Variants in SUGCT observed in about 807,000 individuals in gnomAD.
SUGCT encodes succinyl-CoA:glutarate-CoA transferase.
Under a neutral mutation model 55.0 loss-of-function variants are expected in SUGCT, and 41 were observed. The observed-to-expected ratio is 0.74, with a 90% CI of 0.58 to 0.97. The LOEUF (loss-of-function observed/expected upper bound fraction) is 0.97. SUGCT is among the 50% of genes least tolerant of loss of function. The pLI, the probability that SUGCT is intolerant of heterozygous loss-of-function variation, is 0.00. For missense variants in SUGCT, 568 were observed against 547.8 expected (o/e 1.04, Z -0.37); for synonymous variants, 187 against 200.4 (o/e 0.93, Z 0.56).
chr7:40,363,868 T>C (rs1416452580), intron 9 of SUGCT, among the ~76,000 whole-genome samples: 1 of 152,218 alleles, frequency 6.6e-6, no homozygotes, highest in East Asian at 1.9e-4. Flanking sequence ...TGGGTATCCT[T>C]GTTAACTTTC....
In SUGCT at chr7:40,338,412, C is replaced by T. The variant is rs370795117; in HGVS notation, c.816+21557C>T. Among the ~76,000 whole-genome samples the T allele has an allele frequency of 1.8e-4, 28 of 152,318 alleles. No individual in the cohort carries two copies. The East Asian group carries it at 4.4e-3, about 24-fold the overall frequency. On this transcript the variant is annotated intron_variant, in intron 9 of 13. Coordinates refer to ENST00000335693, the MANE Select transcript of SUGCT (RefSeq NM_001193313.2). ...ATCAGACGTAGATTTGGTCTTTTCA[C>T]ATAGTCCCATATTTCTTGGAGGCTT...
Position 40,353,678 on chromosome 7 carries a change from A to G in SUGCT, c.816+36823A>G, listed in dbSNP as rs1797749052. ...GGAGTTGGGTTCTTAAAAAAACCAT[A>G]TAGATATGCAAGTTGAGATTTTCTA... On this transcript the variant is annotated intron_variant, in intron 9 of 13. Coordinates refer to ENST00000335693, the MANE Select transcript of SUGCT (RefSeq NM_001193313.2). 2.0e-5 allele frequency among the ~76,000 whole-genome samples: 3 copies of G among 152,286 alleles called. No individual in the cohort carries two copies. The South Asian group carries it at 6.2e-4, about 32-fold the overall frequency.
chr7:40,207,916 A>G (rs985416793), intron 6 of SUGCT, among the ~76,000 whole-genome samples: 3 of 152,234 alleles, frequency 2.0e-5, no homozygotes, highest in African/African-American at 7.2e-5. Context: ...TCATAGCAGC[A>G]TTATTCACAG....
intron 11 of SUGCT, among the ~76,000 whole-genome samples, chr7:40,460,373 C>T (rs1789726272): frequency 6.6e-6 from 1 of 152,166 alleles, no homozygotes; most frequent in African/African-American, 2.4e-5. Context: ...AAATATAACT[C>T]TGATTCTACC....
chr7:41,012,159 G>A, the SUGCT span, among the ~76,000 whole-genome samples: 783 of 151,980 alleles, frequency 5.2e-3, 4 homozygotes, highest in African/African-American at 0.018. Flanking sequence ...CTTTTCCCAG[G>A]GCCTGTAGAC....
At chr7:40,578,421 T>A (rs767125413) in intron 12 of SUGCT, among the ~76,000 whole-genome samples, 13 of 151,892 alleles carry the variant, frequency 8.6e-5, no homozygotes, top group Non-Finnish European at 1.9e-4. Flanking sequence ...GGGTTTGGGG[T>A]GTGGTATGGG....
intron 8 of SUGCT, among the ~76,000 whole-genome samples, chr7:40,277,887 C>G (rs1562639394): frequency 6.6e-6 from 1 of 151,958 alleles, no homozygotes; most frequent in Non-Finnish European, 1.5e-5. Context: ...CCCTTCCTGT[C>G]TCCATGTGTT....
At chr7:40,457,892 G>A (rs1219527770) in intron 10 of SUGCT, among the ~76,000 whole-genome samples, 1 of 152,126 alleles carries the variant, frequency 6.6e-6, no homozygotes, top group Admixed American at 6.5e-5. Flanking sequence ...ACGGAGGGAG[G>A]GTGTCTAACT....
Position 40,188,526 on chromosome 7 carries a change from A to T in SUGCT, c.258A>T (p.Pro86=). The T allele has an allele frequency of 6.2e-7, 1 of 1,609,094 alleles. No homozygotes were observed. The highest frequency in any genetic ancestry group is 8.5e-7 in the Non-Finnish European group (1 of 1,178,116). ...GAGDDTRTWG[P]PFVGTESTYY... ...GTGATGATACACGAACTTGGGGGCC[A>T]CCTTTTGTTGGGACAGAAAGTACAT... The change falls in exon 4 of 14, where the codon CCA becomes CCT. Residue 86 remains proline (P), a synonymous_variant. Coordinates refer to ENST00000335693, the MANE Select transcript of SUGCT (RefSeq NM_001193313.2).
intron 12 of SUGCT, among the ~76,000 whole-genome samples, chr7:40,535,626 A>G (rs759551669): frequency 6.6e-6 from 1 of 152,186 alleles, no homozygotes; most frequent in Non-Finnish European, 1.5e-5. Context: ...CCTACATGCC[A>G]ATCAGGGTTG....
the SUGCT span, among the ~76,000 whole-genome samples, chr7:40,873,726 G>C: frequency 6.6e-6 from 1 of 152,192 alleles, no homozygotes; most frequent in African/African-American, 2.4e-5. Context: ...CATTGTTGAA[G>C]ATTTTGTGTT....
At chr7:40,292,074 C>T (rs948551017) in intron 8 of SUGCT, among the ~76,000 whole-genome samples, 4 of 152,122 alleles carry the variant, frequency 2.6e-5, no homozygotes, top group African/African-American at 7.2e-5. Context: ...ACAGCAGTAA[C>T]GGGAAACCAA....
intron 9 of SUGCT, among the ~76,000 whole-genome samples, chr7:40,330,690 CATTT>C (rs56895789): frequency 0.7 from 105,277 of 151,330 alleles, 36,954 homozygotes; most frequent in East Asian, 0.99. Flanking sequence ...GATGGGGGGG[CATTT>C]ATTTACTTTA....
chr7:40,768,044 A>C (rs544327554), intron 13 of SUGCT, among the ~76,000 whole-genome samples: 1 of 152,228 alleles, frequency 6.6e-6, no homozygotes, highest in Non-Finnish European at 1.5e-5. Context: ...GCCATGGGTC[A>C]TCTGAGCTTG....
chr7:40,356,364 A>G (rs565152872), intron 9 of SUGCT, among the ~76,000 whole-genome samples: 5 of 152,334 alleles, frequency 3.3e-5, no homozygotes, highest in Admixed American at 1.3e-4. Flanking sequence ...TTAATGCTCA[A>G]TGATAGTGGT....
chr7:40,723,243 C>T (rs1363717072), intron 12 of SUGCT, among the ~76,000 whole-genome samples: 2 of 151,980 alleles, frequency 1.3e-5, no homozygotes. Context: ...ATCTTGGTCC[C>T]ACCATTTCCT....
chr7:40,955,753 AT>A, the SUGCT span, among the ~76,000 whole-genome samples: 1 of 152,144 alleles, frequency 6.6e-6, no homozygotes, highest in East Asian at 1.9e-4. Context: ...TCAGTATGAT[AT>A]TGGCTGTGGG....
intron 7 of SUGCT, among the ~76,000 whole-genome samples, chr7:40,261,602 G>A (rs954344789): frequency 6.6e-6 from 1 of 152,138 alleles, no homozygotes; most frequent in Non-Finnish European, 1.5e-5. Context: ...ACTCTTCTCG[G>A]TCCTCTGGAG....
the SUGCT span, among the ~76,000 whole-genome samples, chr7:40,964,464 C>T: frequency 3.3e-5 from 5 of 152,156 alleles, no homozygotes; most frequent in Admixed American, 6.5e-5. Flanking sequence ...TTCAGGAAAG[C>T]ACAGTCCAGG....
Sources: gnomAD v4.1 joint callset for allele counts (sites outside exome capture counted in the v4.1 genomes callset) on GRCh38, gnomAD v4.1.1 for gene constraint, MANE v1.5 for transcripts, NCBI Gene and HGNC (gene_info 2026-07-23, HGNC 2026-07-21) for gene names.